The following SLIT3 variants were observed in gnomAD, a reference collection of about 807,000 sequenced individuals.
The protein encoded by SLIT3 is slit homolog 3 protein.
A neutral mutation model predicts 184.0 loss-of-function variants in SLIT3; 68 were observed. The observed-to-expected ratio is 0.37, with a 90% CI of 0.30 to 0.45. SLIT3 has a LOEUF of 0.45. Ranked by LOEUF, SLIT3 falls within the 20% of genes least tolerant of loss-of-function variation. SLIT3 has a pLI of 1.00. For missense variants in SLIT3, 1,707 were observed against 2,026.0 expected (o/e 0.84, Z 3.02); for synonymous variants, 831 against 828.6 (o/e 1.00, Z -0.05).
intron 4 of SLIT3, among the ~76,000 whole-genome samples, chr5:168,955,495 C>T (rs2113260219): frequency 6.6e-6 from 1 of 152,268 alleles, no homozygotes; most frequent in African/African-American, 2.4e-5. Flanking sequence ...CAGGTGTTTG[C>T]TGAGTCTCTT....
chr5:169,130,288 AT>A (rs1415061851), intron 4 of SLIT3, among the ~76,000 whole-genome samples: 2 of 152,242 alleles, frequency 1.3e-5, no homozygotes, highest in Non-Finnish European at 1.5e-5. Flanking sequence ...TAAAAAGCAT[AT>A]TTAAACAAAA....
chr5:168,803,294 T>C (rs1336485144), intron 9 of SLIT3, among the ~76,000 whole-genome samples: 12 of 152,220 alleles, frequency 7.9e-5, no homozygotes, highest in African/African-American at 4.8e-5. Context: ...ACTGAAAGGA[T>C]GCTCCTTTAA....
chr5:168,785,135 A>G (rs1308265273), intron 12 of SLIT3, among the ~76,000 whole-genome samples: 1 of 141,056 alleles, frequency 7.1e-6, no homozygotes. Context: ...GTGCACATGC[A>G]TGCACACACA....
At chr5:168,723,122 C>T in intron 21 of SLIT3, 118 bp from the exon 22 acceptor site, 1 of 716,304 alleles carries the variant, frequency 1.4e-6, no homozygotes, top group Non-Finnish European at 2.6e-6. Flanking sequence ...CACCCATCCA[C>T]CCACCTATTC....
chr5:168,774,800 A>C (rs1213338689), intron 12 of SLIT3, among the ~76,000 whole-genome samples: 2 of 152,218 alleles, frequency 1.3e-5, no homozygotes, highest in African/African-American at 2.4e-5. Context: ...AATTCCTTAC[A>C]GTTCTTTTGG....
intron 8 of SLIT3, among the ~76,000 whole-genome samples, chr5:168,810,291 CAT>C (rs1385463264): frequency 6.6e-6 from 1 of 152,230 alleles, no homozygotes; most frequent in Non-Finnish European, 1.5e-5. Flanking sequence ...TCTGCATGCA[CAT>C]GTGTGTTCCT....
At chr5:168,995,831 G>A (rs891679787) in intron 4 of SLIT3, among the ~76,000 whole-genome samples, 3 of 152,222 alleles carry the variant, frequency 2.0e-5, no homozygotes, top group African/African-American at 4.8e-5. Context: ...TCAGTGGCAA[G>A]GCCAGCAGCC....
At chr5:168,776,265 C>T (rs1009696113) in intron 12 of SLIT3, among the ~76,000 whole-genome samples, 17 of 152,146 alleles carry the variant, frequency 1.1e-4, no homozygotes, top group South Asian at 2.1e-4. Context: ...GTGCACCCCG[C>T]GTGCAGGCAA....
At chr5:169,273,374 A>G (rs966575500) in intron 1 of SLIT3, among the ~76,000 whole-genome samples, 1 of 152,214 alleles carries the variant, frequency 6.6e-6, no homozygotes, top group East Asian at 1.9e-4. Context: ...AGAGGCGTGC[A>G]TAGCTTCCCA....
intron 12 of SLIT3, among the ~76,000 whole-genome samples, chr5:168,775,998 G>A (rs887669565): frequency 2.6e-5 from 4 of 152,168 alleles, no homozygotes; most frequent in Admixed American, 6.5e-5. Context: ...ATCCCCTCTC[G>A]AATGAAACTG....
At chr5:168,760,999 A>G (rs888063809) in intron 15 of SLIT3, 63 bp from the exon 16 acceptor site, 1 of 1,241,848 alleles carries the variant, frequency 8.1e-7, no homozygotes, top group Non-Finnish European at 1.2e-6. Context: ...TCCACCCCCC[A>G]TGGCTTTGCT....
chr5:168,894,863 G>A (rs1176224958), intron 4 of SLIT3, among the ~76,000 whole-genome samples: 2 of 152,190 alleles, frequency 1.3e-5, no homozygotes, highest in African/African-American at 4.8e-5. Flanking sequence ...AGATAATGAA[G>A]CTCAGGTACA....
At chr5:169,028,756 C>T (rs1186710486) in intron 4 of SLIT3, among the ~76,000 whole-genome samples, 3 of 152,164 alleles carry the variant, frequency 2.0e-5, no homozygotes, top group African/African-American at 7.2e-5. Context: ...TGAGTAAAAT[C>T]CTACCCAGAG....
At chr5:168,865,717 T>TA (rs1561975938) in intron 5 of SLIT3, among the ~76,000 whole-genome samples, 1 of 152,190 alleles carries the variant, frequency 6.6e-6, no homozygotes, top group Admixed American at 6.5e-5. Context: ...AAAGTTGACT[T>TA]AAAAAATAAA....
At chr5:169,123,555 T>C (rs1006184189) in intron 4 of SLIT3, among the ~76,000 whole-genome samples, 6 of 152,074 alleles carry the variant, frequency 3.9e-5, no homozygotes, top group African/African-American at 1.4e-4. Context: ...ACTGCAAAAA[T>C]AAAGTTGAAC....
chr5:169,263,303 G>T (rs189982767), intron 1 of SLIT3, among the ~76,000 whole-genome samples: 1 of 152,098 alleles, frequency 6.6e-6, no homozygotes, highest in Non-Finnish European at 1.5e-5. Flanking sequence ...TGATTGCACT[G>T]CTCCAGCCAG....
chr5:168,966,036 G>A (rs1230173839), intron 4 of SLIT3, among the ~76,000 whole-genome samples: 1 of 152,230 alleles, frequency 6.6e-6, no homozygotes, highest in Non-Finnish European at 1.5e-5. Flanking sequence ...ATGTGCAGAA[G>A]TGCCTGAAGA....
At chr5:168,756,832 G>C (rs1469643000) in intron 16 of SLIT3, among the ~76,000 whole-genome samples, 1 of 152,210 alleles carries the variant, frequency 6.6e-6, no homozygotes, top group African/African-American at 2.4e-5. Flanking sequence ...CAATGCAGAT[G>C]AGTTAAAGCA....
intron 9 of SLIT3, 126 bp from the exon 10 acceptor site, chr5:168,795,704 T>C (rs1756543092): frequency 1.3e-6 from 1 of 751,712 alleles, no homozygotes; most frequent in South Asian, 1.5e-5. Flanking sequence ...ACGGTCTGGT[T>C]GTGGCAGACC....
Sources: allele counts gnomAD v4.1 joint callset (sites outside exome capture counted in the v4.1 genomes callset), GRCh38; gene constraint gnomAD v4.1.1; transcripts MANE v1.5; gene names NCBI Gene and HGNC (gene_info 2026-07-23, HGNC 2026-07-21).